ASIP: variants seen among roughly 807,000 people sequenced by gnomAD.
The protein encoded by ASIP is agouti signaling protein, also known as agouti-signaling protein.
Under a neutral mutation model 10.3 loss-of-function variants are expected in ASIP, and 11 were observed. That is an observed-to-expected ratio of 1.07 (90% confidence interval 0.68 to 1.78). The LOEUF is 1.78. Among genes scored for constraint, ASIP ranks in the 40% most tolerant of loss-of-function variants. The pLI, the probability that ASIP is intolerant of heterozygous loss-of-function variation, is 0.00. For missense variants in ASIP, 180 were observed against 169.2 expected (o/e 1.06, Z -0.35); for synonymous variants, 70 against 70.8 (o/e 0.99, Z 0.06).
intron 1 of ASIP, among the ~76,000 whole-genome samples, chr20:34,256,582 C>T (rs969302547): frequency 2.0e-5 from 3 of 152,160 alleles, no homozygotes; most frequent in Non-Finnish European, 2.9e-5. Context: ...GGATTATAGG[C>T]GTGAGCCACC....
chr20:34,262,945 TAAA>T (rs2035720849), intron 3 of ASIP, 52 bp downstream of exon 3: 2 of 1,601,102 alleles, frequency 1.2e-6, no homozygotes, highest in Admixed American at 3.3e-5. Context: ...AGACTGGACT[TAAA>T]GAAGGAGGAC....
chr20:34,187,215 G>T, the ASIP span, among the ~76,000 whole-genome samples: 1 of 152,208 alleles, frequency 6.6e-6, no homozygotes, highest in Non-Finnish European at 1.5e-5. Flanking sequence ...AGGGGTGTGA[G>T]AGTCATAAAT....
At chr20:34,234,888 T>A (rs2035158412) in intron 1 of ASIP, 1 of 151,494 alleles carries the variant, frequency 6.6e-6, no homozygotes, top group Admixed American at 6.6e-5. Context: ...TCCTCATATA[T>A]TTCATGTTTA....
At chr20:34,263,644 C>G (rs1328906309) in intron 3 of ASIP, among the ~76,000 whole-genome samples, 6 of 151,530 alleles carry the variant, frequency 4.0e-5, no homozygotes, top group African/African-American at 1.5e-4. Flanking sequence ...TCCACTTATA[C>G]ATTGGTTATT....
chr20:34,259,452 G>A (rs2035651393), intron 1 of ASIP, among the ~76,000 whole-genome samples: 1 of 152,092 alleles, frequency 6.6e-6, no homozygotes, highest in Non-Finnish European at 1.5e-5. Flanking sequence ...GGAGGAGGTT[G>A]CAGTGAGCCA....
At chr20:34,222,068 C>T in intron 1 of ASIP, among the ~76,000 whole-genome samples, 1 of 152,044 alleles carries the variant, frequency 6.6e-6, no homozygotes, top group Non-Finnish European at 1.5e-5. Flanking sequence ...CATAATTGTG[C>T]CACTGCACTC....
chr20:34,201,017 C>CT (rs2034892333), intron 1 of ASIP, among the ~76,000 whole-genome samples: 115 of 63,430 alleles, frequency 1.8e-3, no homozygotes, highest in Middle Eastern at 6.6e-3. Context: ...TCCTTCCTTC[C>CT]TTCTTTCTTT....
chr20:34,200,783 A>G (rs2034887007), intron 1 of ASIP, among the ~76,000 whole-genome samples: 1 of 152,214 alleles, frequency 6.6e-6, no homozygotes, highest in African/African-American at 2.4e-5. Flanking sequence ...TTAAATTACA[A>G]TTCCAAAATG....
At chr20:34,202,801 C>CTTTTTTTTT (rs34156089) in intron 1 of ASIP, among the ~76,000 whole-genome samples, 1 of 57,264 alleles carries the variant, frequency 1.7e-5, no homozygotes, top group Non-Finnish European at 3.4e-5. Flanking sequence ...CTTGGCTATT[C>CTTTTTTTTT]TTTTTTTTTT....
At chr20:34,223,288 T>C (rs1255866785) in intron 1 of ASIP, among the ~76,000 whole-genome samples, 3 of 142,494 alleles carry the variant, frequency 2.1e-5, no homozygotes, top group Non-Finnish European at 3.0e-5. Flanking sequence ...CCGCCCCGTC[T>C]GGGATGTGAG....
At chr20:34,218,915 G>A (rs6120571) in intron 1 of ASIP, among the ~76,000 whole-genome samples, 17,299 of 151,872 alleles carry the variant, frequency 0.11, 1,048 homozygotes, top group South Asian at 0.2. Flanking sequence ...CTCCCACCTC[G>A]GCCTCCCAAA....
chr20:34,190,065 A>C (rs953495600), upstream of ASIP, among the ~76,000 whole-genome samples: 2 of 152,214 alleles, frequency 1.3e-5, no homozygotes, highest in Non-Finnish European at 2.9e-5. Context: ...TGGACCAGCT[A>C]TGCTCTTCAC....
At chr20:34,250,658 G>A (rs766673834) in intron 1 of ASIP, among the ~76,000 whole-genome samples, 3 of 152,146 alleles carry the variant, frequency 2.0e-5, no homozygotes, top group South Asian at 2.1e-4. Flanking sequence ...TTAGCCGGGC[G>A]TAGTGGTGCA....
chr20:34,257,066 T>TTC (rs755289503), intron 1 of ASIP, among the ~76,000 whole-genome samples: 1 of 93,550 alleles, frequency 1.1e-5, no homozygotes, highest in African/African-American at 6.8e-5. Flanking sequence ...CTCTCTTTCT[T>TTC]TCTCTTTTTT....
chr20:34,187,152 CA>C, the ASIP span, among the ~76,000 whole-genome samples: 3 of 152,168 alleles, frequency 2.0e-5, no homozygotes, highest in Admixed American at 1.3e-4. Context: ...CAATGAGGCA[CA>C]AAGGAGAACC....
chr20:34,262,266 C>T (rs1367258427), intron 2 of ASIP, among the ~76,000 whole-genome samples: 2 of 152,216 alleles, frequency 1.3e-5, no homozygotes, highest in African/African-American at 4.8e-5. Flanking sequence ...TACTGCAAGG[C>T]AGATATTATG....
chr20:34,221,559 A>G (rs1448313922), intron 1 of ASIP, among the ~76,000 whole-genome samples: 2 of 152,196 alleles, frequency 1.3e-5, no homozygotes, highest in Non-Finnish European at 2.9e-5. Context: ...AAGCATATGT[A>G]GCATAGTTAG....
chr20:34,235,813 GA>G (rs1339822595), intron 1 of ASIP, among the ~76,000 whole-genome samples: 5 of 57,360 alleles, frequency 8.7e-5, no homozygotes, highest in Non-Finnish European at 1.3e-4. Context: ...AAGAAAGAAA[GA>G]AAGAAAGAAA....
chr20:34,191,923 G>A (rs2034826597), upstream of ASIP, among the ~76,000 whole-genome samples: 1 of 151,962 alleles, frequency 6.6e-6, no homozygotes, highest in African/African-American at 2.4e-5. Context: ...TAGAGACGGG[G>A]TTTCACCATG....
Sources: allele counts gnomAD v4.1 joint callset (sites outside exome capture counted in the v4.1 genomes callset), GRCh38; gene constraint gnomAD v4.1.1; transcripts MANE v1.5; gene names NCBI Gene and HGNC (gene_info 2026-07-23, HGNC 2026-07-21).